USP43: variants seen among roughly 807,000 people sequenced by gnomAD.
USP43 encodes the protein ubiquitin carboxyl-terminal hydrolase 43.
Under a neutral mutation model 90.7 loss-of-function variants are expected in USP43, and 33 were observed. The observed-to-expected ratio is 0.36, with a 90% CI of 0.28 to 0.49. The LOEUF is 0.49. Among genes scored for constraint, USP43 ranks in the 20% least tolerant of loss-of-function variants. The pLI, the probability that USP43 is intolerant of heterozygous loss-of-function variation, is 0.98. For synonymous variants in USP43, 598 were observed against 615.8 expected, an observed-to-expected ratio of 0.97 and a Z score of 0.43; for missense variants, 1,274 against 1,476.4, an observed-to-expected ratio of 0.86 and a Z score of 2.25.
At chr17:9,663,644 A>T (rs1378228274) in intron 2 of USP43, among the ~76,000 whole-genome samples, 1 of 150,904 alleles carries the variant, frequency 6.6e-6, no homozygotes, top group South Asian at 2.1e-4. Flanking sequence ...TATTTTTGAG[A>T]TGGAGTTTTG....
Position 9,726,414 on chromosome 17 carries a change from C to T in USP43, c.2336-1540C>T, listed in dbSNP as rs556038965. Among the ~76,000 whole-genome samples, 51 of 152,244 alleles carry T rather than the reference C, an allele frequency of 3.3e-4. 1 individual carries two copies. The highest frequency in any genetic ancestry group is 6.2e-4 in the Non-Finnish European group (42 of 68,020). On this transcript the variant is annotated intron_variant, in intron 14 of 14. Transcript: ENST00000285199. ...TTCAGGCTGTTAGAACAGAATACCACGCCTGGGCAGCTTATCCACAACAGA... is the reference window on the plus strand; with the variant it reads ...TTCAGGCTGTTAGAACAGAATACCATGCCTGGGCAGCTTATCCACAACAGA...
rs1160674951 is a variant in USP43, at chr17:9,701,153, G to C, written c.1570G>C (p.Asp524His). 6.6e-7 allele frequency: 1 copy of C among 1,509,608 alleles called. No homozygotes were observed. Among genetic ancestry groups the C allele is most frequent in the Non-Finnish European group, 8.9e-7 (1 of 1,126,050 alleles). The allele number at this position is 1,509,608 out of a possible 1,614,324, so 93.5% of individuals were successfully genotyped here. Residue 524 changes from aspartate (D) to histidine (H), a missense_variant, in exon 11 of 15, where the codon GAT becomes CAT. Around this residue, in one of 6 missense-constraint regions of USP43, gnomAD observed 253 missense variants for 276.0 expected, o/e 0.92. Transcript: ENST00000285199. This position sits in a 1 kb window ranked among gnomAD's most constrained non-coding sequence, Gnocchi z 7.2. Reference sequence around the variant, plus strand: ...GAGCCTCCAGGAGGAGCGAGCGCAGGATGCCGACAGTGTGTGGCAGCAGCA... The same window carrying C: ...GAGCCTCCAGGAGGAGCGAGCGCAGCATGCCGACAGTGTGTGGCAGCAGCA... ...FGSLQEERAQDADSVWQQQQA... is the reference protein window; with the variant it reads ...FGSLQEERAQHADSVWQQQQA...
rs759504714 is a variant in USP43 at position 9,680,320 on chromosome 17, G to A, written c.1059G>A (p.Val353=). ...ATACCATCGCAGAGGGAGATAATGT[G>A]TATGCCTTTCAAGTTCCTCCCTCAC... ...DLNTIAEGDN[V]YAFQVPPSPS... The change falls in exon 6 of 15, where the codon GTG becomes GTA. Residue 353 remains valine (V), a synonymous_variant. Coordinates refer to ENST00000285199, the MANE Select transcript of USP43 (RefSeq NM_153210.5). The A allele has an allele frequency of 1.2e-6, 2 of 1,613,922 alleles. No individual in the cohort carries two copies. Among genetic ancestry groups the A allele is most frequent in the South Asian group, 1.1e-5 (1 of 91,078 alleles).
chr17:9,668,844 T>C (rs1913209425), intron 3 of USP43, among the ~76,000 whole-genome samples: 1 of 149,898 alleles, frequency 6.7e-6, no homozygotes, highest in African/African-American at 2.5e-5. Context: ...GTCTTATTTA[T>C]TTATTTATTG....
chr17:9,691,931 T>G (rs908621870), intron 8 of USP43, among the ~76,000 whole-genome samples: 6 of 151,648 alleles, frequency 4.0e-5, no homozygotes, highest in African/African-American at 1.2e-4. Context: ...TAGTCCCAGC[T>G]ACTCAGGAGG....
intron 5 of USP43, among the ~76,000 whole-genome samples, chr17:9,680,029 T>TC (rs397973296): frequency 2.1e-4 from 31 of 150,024 alleles, no homozygotes; most frequent in African/African-American, 7.2e-4. Context: ...TTTTTTTTTT[T>TC]CAGTTTCTTT....
chr17:9,664,500 C>T (rs1271569258), intron 2 of USP43, among the ~76,000 whole-genome samples: 3 of 152,116 alleles, frequency 2.0e-5, no homozygotes, highest in South Asian at 2.1e-4. Flanking sequence ...GACAGGTGCA[C>T]GATGTATCTA....
At chr17:9,648,027 G>A (rs1174512626) in intron 1 of USP43, among the ~76,000 whole-genome samples, 1 of 152,052 alleles carries the variant, frequency 6.6e-6, no homozygotes, top group African/African-American at 2.4e-5. Context: ...TCTCAAAAAA[G>A]CAAAGCAAAA....
intron 2 of USP43, among the ~76,000 whole-genome samples, chr17:9,657,788 C>G (rs1360300816): frequency 6.6e-6 from 1 of 152,152 alleles, no homozygotes; most frequent in Non-Finnish European, 1.5e-5. Context: ...CCAGGCCCTC[C>G]CTCCACATGT....
rs1015837631 is a variant in USP43 at position 9,729,138 on chromosome 17, C to G, written c.*148C>G. 3 of 644,484 alleles carry G rather than the reference C, an allele frequency of 4.7e-6. No homozygotes were observed. Among genetic ancestry groups the G allele is most frequent in the African/African-American group, 1.9e-5 (1 of 52,596 alleles). 39.9% of individuals were successfully genotyped at this position (644,484 alleles called of 1,614,324 possible). A position where few individuals can be genotyped will look rare whatever the true frequency, so the allele number is the denominator to read the frequency against. Reference sequence around the variant, plus strand: ...TTTTTTTTTTTGTGGTGGGGGGTCTCCATATCTAGACTTCCAACACCCAAG... The same window carrying G: ...TTTTTTTTTTTGTGGTGGGGGGTCTGCATATCTAGACTTCCAACACCCAAG... On this transcript the variant is annotated 3_prime_UTR_variant, in exon 15 of 15. Coordinates refer to ENST00000285199, the MANE Select transcript of USP43 (RefSeq NM_153210.5).
At chr17:9,707,969 C>T (rs935038824) in intron 12 of USP43, among the ~76,000 whole-genome samples, 53 of 152,126 alleles carry the variant, frequency 3.5e-4, no homozygotes, top group African/African-American at 8.5e-4. Context: ...TTTGAAAGGG[C>T]GACTGATTGA....
chr17:9,697,813 C>T (rs1915367365), intron 9 of USP43, among the ~76,000 whole-genome samples: 1 of 152,054 alleles, frequency 6.6e-6, no homozygotes, highest in Admixed American at 6.6e-5. Context: ...GTGCAGGTGT[C>T]TTTTTGATAC....
intron 7 of USP43, 120 bp downstream of exon 7, chr17:9,683,078 G>A: frequency 7.6e-7 from 1 of 1,316,722 alleles, no homozygotes; most frequent in Non-Finnish European, 1.0e-6. Flanking sequence ...GGAGCCAGAA[G>A]TAGGGTCCTT....
In USP43 at chr17:9,728,518, C is replaced by T. The variant is rs1917400987; in HGVS notation, c.2900C>T (p.Pro967Leu). 4 of 1,613,806 alleles carry T rather than the reference C, an allele frequency of 2.5e-6. No individual in the cohort carries two copies. Among genetic ancestry groups the T allele is most frequent in the Non-Finnish European group, 3.4e-6 (4 of 1,179,878 alleles). Residue 967 changes from proline to leucine, a missense_variant, in exon 15 of 15, where the codon CCA (proline) becomes CTA (leucine). By Grantham distance (98) the Pro-to-Leu change is moderately conservative (BLOSUM62 -3). Around this residue, in one of 6 missense-constraint regions of USP43, gnomAD observed 353 missense variants for 329.7 expected, o/e 1.07. Transcript: ENST00000285199. The surrounding 1 kb of genome is among the most constrained non-coding windows in gnomAD (Gnocchi z 6.2). ...TTCCAGATGGGAAGCAAAAGCAGCCCACCCTCCCCCTATATGGGATTCTCT... is the reference window on the plus strand; with the variant it reads ...TTCCAGATGGGAAGCAAAAGCAGCCTACCCTCCCCCTATATGGGATTCTCT... Reference protein sequence around the residue: ...ESFQMGSKSSPPSPYMGFSGN... With the variant: ...ESFQMGSKSSLPSPYMGFSGN...
chr17:9,700,111 C>A, intron 9 of USP43, 61 bp from the exon 10 acceptor site: 1 of 1,479,338 alleles, frequency 6.8e-7, no homozygotes, highest in South Asian at 1.2e-5. Context: ...CTGCTGAGCC[C>A]TGAAGAGCTG....
At chr17:9,673,822 T>C (rs1297152692) in intron 3 of USP43, among the ~76,000 whole-genome samples, 4 of 152,348 alleles carry the variant, frequency 2.6e-5, no homozygotes, top group African/African-American at 9.6e-5. Flanking sequence ...GGTTCATCTA[T>C]GCTAAGTGCT....
At chr17:9,675,676 G>A (rs976185533) in intron 4 of USP43, among the ~76,000 whole-genome samples, 1 of 152,128 alleles carries the variant, frequency 6.6e-6, no homozygotes, top group African/African-American at 2.4e-5. Flanking sequence ...CCTGCCTTTA[G>A]GATGCAGCTG....
chr17:9,704,006 C>T (rs1488608661), intron 12 of USP43, among the ~76,000 whole-genome samples: 1 of 152,170 alleles, frequency 6.6e-6, no homozygotes, highest in East Asian at 1.9e-4. Context: ...GATTGATAGC[C>T]TGGTGGGACA....
intron 6 of USP43, among the ~76,000 whole-genome samples, chr17:9,682,087 C>T (rs1443422793): frequency 1.3e-5 from 2 of 152,152 alleles, no homozygotes; most frequent in African/African-American, 2.4e-5. Flanking sequence ...GGAGGCTAGT[C>T]CAATTCCTCT....
Sources: gnomAD v4.1 joint callset for allele counts (sites outside exome capture counted in the v4.1 genomes callset) on GRCh38, gnomAD v4.1.1 for gene constraint, gnomAD v4.1.1 regional missense constraint, Gnocchi (gnomAD v3.1) non-coding constraint, MANE v1.5 for transcripts, NCBI Gene and HGNC (gene_info 2026-07-23, HGNC 2026-07-21) for gene names.